KLHL22: variants seen among roughly 807,000 people sequenced by gnomAD.
KLHL22 encodes kelch-like protein 22.
A neutral mutation model predicts 60.7 loss-of-function variants in KLHL22; 18 were observed. That is an observed-to-expected ratio of 0.30 (90% CI 0.20 to 0.44). The LOEUF is 0.44. KLHL22 is among the 20% of genes least tolerant of loss of function. KLHL22 has a pLI of 1.00. For missense variants in KLHL22, 596 were observed against 852.3 expected, an observed-to-expected ratio of 0.70 and a Z score of 3.74; for synonymous variants, 355 against 354.5, an observed-to-expected ratio of 1.00 and a Z score of -0.01.
At chr22:20,483,498 G>A (rs187149344) in intron 2 of KLHL22, 341 of 734,402 alleles carry the variant, frequency 4.6e-4, no homozygotes, top group African/African-American at 4.3e-3. Context: ...TGAGAGCTTC[G>A]ATCTCTGTCT....
At position 20,465,064 on chromosome 22, in the gene KLHL22, G is replaced by A. The variant is rs1244970227; in HGVS notation, c.906C>T (p.Gly302=). 3.1e-6 allele frequency: 5 copies of A among 1,612,342 alleles called. No individual in the cohort carries two copies. In the East Asian group the frequency reaches 1.1e-4, roughly 36 times the overall value. The change falls in exon 4 of 7, where the codon GGC becomes GGT. Residue 302 remains glycine (G), a synonymous_variant. Coordinates refer to ENST00000328879, the MANE Select transcript of KLHL22 (RefSeq NM_032775.4). This position sits in a 1 kb window ranked among gnomAD's most constrained non-coding sequence, Gnocchi z 4.9. ...ELRSDFQCVV[G]FGGIHSTPST... ...ACGGCGTGGAGTGAATGCCCCCGAA[G>A]CCCACAACGCACTGGAAGTCCGACC...
chr22:20,493,096 G>C, intron 1 of KLHL22: 1 of 465,800 alleles, frequency 2.1e-6, no homozygotes, highest in Admixed American at 2.4e-5. Flanking sequence ...TTCTCTGAGG[G>C]TGACCTCCAC....
intron 3 of KLHL22, among the ~76,000 whole-genome samples, chr22:20,467,894 G>A (rs1369409311): frequency 6.6e-6 from 1 of 152,168 alleles, no homozygotes; most frequent in Non-Finnish European, 1.5e-5. Context: ...TCCTGACCTC[G>A]TGATCTGCCC....
chr22:20,493,698 C>T (rs139412571), intron 1 of KLHL22, among the ~76,000 whole-genome samples: 10 of 152,016 alleles, frequency 6.6e-5, no homozygotes, highest in African/African-American at 1.2e-4. Flanking sequence ...AGGAGAATCA[C>T]GCCACTGCAT....
chr22:20,453,870 G>A (rs1360867449), intron 5 of KLHL22, among the ~76,000 whole-genome samples: 1 of 152,092 alleles, frequency 6.6e-6, no homozygotes, highest in South Asian at 2.1e-4. Flanking sequence ...CAGTAGCTGG[G>A]ATTACAGGTG....
intron 2 of KLHL22, among the ~76,000 whole-genome samples, chr22:20,485,694 C>A (rs1263905956): frequency 2.1e-5 from 3 of 142,304 alleles, no homozygotes; most frequent in African/African-American, 9.3e-5. Context: ...ATGGCAAAAC[C>A]CCGCCTCTAC....
At chr22:20,470,723 G>C (rs200889003) in intron 3 of KLHL22, among the ~76,000 whole-genome samples, 17 of 138,862 alleles carry the variant, frequency 1.2e-4, no homozygotes, top group South Asian at 4.9e-4. Context: ...TGCATGCATG[G>C]ATGGATGGAT....
At chr22:20,483,622 T>G (rs1168752618) in intron 2 of KLHL22, 4 of 726,578 alleles carry the variant, frequency 5.5e-6, no homozygotes, top group South Asian at 1.3e-5. Context: ...TCTAAAGTCA[T>G]CAGCAGCAAG....
rs1367992808 is a variant in KLHL22, at chr22:20,471,360, C to T, written c.383G>A (p.Cys128Tyr). Residue 128 changes from cysteine to tyrosine, a missense_variant, in exon 3 of 7, where the codon TGC becomes TAC. Transcript: ENST00000328879. Reference protein sequence around the residue: ...SNVQETLVAACQLQIPEIIHF... With the variant: ...SNVQETLVAAYQLQIPEIIHF... ...TGAGACATGCCTCACCTGAAGCTGG[C>T]AGGCAGCCACCAGTGTCTCTTGTAC... is the stretch of plus-strand genomic sequence containing the variant. The T allele has an allele frequency of 6.2e-7, 1 of 1,613,462 alleles. No homozygotes were observed. Among genetic ancestry groups the T allele is most frequent in the Non-Finnish European group, 8.5e-7 (1 of 1,179,590 alleles).
At chr22:20,483,411 C>T (rs2053536645) in intron 2 of KLHL22, 26 of 833,632 alleles carry the variant, frequency 3.1e-5, no homozygotes, top group South Asian at 3.0e-4. Flanking sequence ...CCACAGTCAA[C>T]CCAGAGCTGG....
At chr22:20,484,113 G>C (rs545127147) in intron 2 of KLHL22, 3 of 819,998 alleles carry the variant, frequency 3.7e-6, no homozygotes, top group Non-Finnish European at 6.2e-6. Context: ...CATGCTGTCC[G>C]GGGAGGAGAG....
intron 2 of KLHL22, among the ~76,000 whole-genome samples, chr22:20,487,812 G>T (rs1222755883): frequency 6.6e-6 from 1 of 152,134 alleles, no homozygotes; most frequent in Non-Finnish European, 1.5e-5. Flanking sequence ...AGAAAGAGTG[G>T]TATGACACTA....
intron 3 of KLHL22, among the ~76,000 whole-genome samples, chr22:20,466,882 T>G (rs1247559536): frequency 6.6e-6 from 1 of 151,872 alleles, no homozygotes; most frequent in Non-Finnish European, 1.5e-5. Context: ...GAAGCACTAG[T>G]GGTTTGAAAG....
intron 5 of KLHL22, chr22:20,456,187 C>T (rs1358050477): frequency 6.6e-6 from 1 of 152,184 alleles, no homozygotes; most frequent in Non-Finnish European, 1.5e-5. Context: ...CCCTGGAAAT[C>T]CTCCAGTTCA....
intron 3 of KLHL22, 109 bp downstream of exon 3, chr22:20,471,241 C>T (rs2053322241): frequency 9.5e-7 from 1 of 1,056,140 alleles, no homozygotes; most frequent in Non-Finnish European, 1.4e-6. Flanking sequence ...GGTCTCCTCA[C>T]ATTCCTGACC....
intron 2 of KLHL22, among the ~76,000 whole-genome samples, chr22:20,476,802 A>G (rs1268887367): frequency 7.1e-6 from 1 of 141,154 alleles, no homozygotes; most frequent in African/African-American, 2.7e-5. Context: ...TCCGCCTACC[A>G]CGTTCAAGCG....
At chr22:20,467,113 C>T (rs2053247955) in intron 3 of KLHL22, among the ~76,000 whole-genome samples, 1 of 152,208 alleles carries the variant, frequency 6.6e-6, no homozygotes, top group South Asian at 2.1e-4. Flanking sequence ...GTGCCCACCT[C>T]CTTTCTTTCC....
intron 1 of KLHL22, among the ~76,000 whole-genome samples, chr22:20,493,738 T>C (rs370397952): frequency 7.0e-4 from 106 of 151,786 alleles, no homozygotes; most frequent in Middle Eastern, 6.8e-3. Context: ...CGAGACTCCG[T>C]CTCAAAAACA....
chr22:20,460,639 A>C (rs1165592093), intron 4 of KLHL22, among the ~76,000 whole-genome samples: 1 of 146,130 alleles, frequency 6.8e-6, no homozygotes, highest in African/African-American at 2.6e-5. Context: ...AAAAAAAAAA[A>C]AAAAAAAAGA....
Sources: gnomAD v4.1 joint callset for allele counts (sites outside exome capture counted in the v4.1 genomes callset) on GRCh38, gnomAD v4.1.1 for gene constraint, Gnocchi (gnomAD v3.1) non-coding constraint, MANE v1.5 for transcripts, NCBI Gene and HGNC (gene_info 2026-07-23, HGNC 2026-07-21) for gene names.